FBLN5: variants seen among roughly 807,000 people sequenced by gnomAD.
The protein encoded by FBLN5 is fibulin 5.
A neutral mutation model predicts 61.6 loss-of-function variants in FBLN5; 24 were observed. That is an observed-to-expected ratio of 0.39 (90% CI 0.28 to 0.55). The LOEUF is 0.55. Ranked by LOEUF, FBLN5 falls within the 20% of genes least tolerant of loss-of-function variation. FBLN5 has a pLI of 0.65. For missense variants in FBLN5, 470 were observed against 594.1 expected, an observed-to-expected ratio of 0.79 and a Z score of 2.17; for synonymous variants, 213 against 219.8, an observed-to-expected ratio of 0.97 and a Z score of 0.27.
chr14:91,894,838 T>TGCCAAAAAA, intron 5 of FBLN5, 112 bp downstream of exon 5: 1 of 210,374 alleles, frequency 4.8e-6, no homozygotes, highest in South Asian at 3.5e-5. Context: ...CCGCCCTCCC[T>TGCCAAAAAA]AGCAAAGAAA....
intron 4 of FBLN5, among the ~76,000 whole-genome samples, chr14:91,921,295 T>A (rs913758826): frequency 5.3e-5 from 8 of 152,182 alleles, no homozygotes; most frequent in Admixed American, 2.6e-4. Flanking sequence ...CCCTCTCAGG[T>A]GCAAGACGAT....
At position 91,947,333 on chromosome 14, in the gene FBLN5, C is replaced by A. The variant is rs1015210796; in HGVS notation, c.-104G>T. On this transcript the variant is annotated 5_prime_UTR_variant, in exon 1 of 11. Transcript: ENST00000342058. This position sits in a 1 kb window ranked among gnomAD's most constrained non-coding sequence, Gnocchi z 4.3. ...CGGCCTCCTCTGGGCCCTCGGGGCT[C>A]GCGGGTGTTTTATTCCAGAGGGGCC... 1 of 1,378,308 alleles carries A rather than the reference C, an allele frequency of 7.3e-7. No homozygotes were observed. The highest frequency in any genetic ancestry group is 1.0e-6 in the Non-Finnish European group (1 of 972,008). The allele number at this position is 1,378,308 out of a possible 1,614,324, so 85.4% of individuals were successfully genotyped here.
At chr14:91,877,916 T>G in intron 9 of FBLN5, 1 of 620,312 alleles carries the variant, frequency 1.6e-6, no homozygotes, top group Middle Eastern at 2.5e-4. Context: ...GGCTACTAAA[T>G]AGAATACAAA....
intron 7 of FBLN5, among the ~76,000 whole-genome samples, chr14:91,885,608 G>A (rs887358718): frequency 6.6e-6 from 1 of 152,156 alleles, no homozygotes; most frequent in Admixed American, 6.5e-5. Flanking sequence ...TGGTTGGTTG[G>A]TTGGTTGGTT....
At chr14:91,897,817 G>C (rs558790057) in intron 4 of FBLN5, among the ~76,000 whole-genome samples, 3 of 152,220 alleles carry the variant, frequency 2.0e-5, no homozygotes, top group Non-Finnish European at 4.4e-5. Flanking sequence ...GGAGGCCAAG[G>C]TGGGTAAGAT....
chr14:91,887,143 T>C, intron 7 of FBLN5, 50 bp downstream of exon 7: 2 of 1,609,794 alleles, frequency 1.2e-6, no homozygotes, highest in Non-Finnish European at 1.7e-6. Context: ...CTTCAACCCC[T>C]GCCCAGGCCC....
In FBLN5 at chr14:91,940,706, C is replaced by A; in HGVS notation, c.73-90G>T. ...AACACAGAAAGTTGGGGAAATGGAG[C>A]AAAAAAGAAAGGCCTCCAAAATACC... is the stretch of plus-strand genomic sequence containing the variant. On this transcript the variant is annotated intron_variant, in intron 2 of 10. Coordinates refer to ENST00000342058, the MANE Select transcript of FBLN5 (RefSeq NM_006329.4). The A allele has an allele frequency of 5.2e-6, 6 of 1,156,752 alleles. No homozygotes were observed. In the Admixed American group the frequency reaches 5.8e-5, roughly 11 times the overall value. 71.7% of individuals were successfully genotyped at this position (1,156,752 alleles called of 1,614,324 possible).
chr14:91,895,836 A>G (rs896506339), intron 4 of FBLN5, among the ~76,000 whole-genome samples: 4 of 150,276 alleles, frequency 2.7e-5, no homozygotes. Flanking sequence ...CCCTGCCAAC[A>G]GAAGCTGGCA....
At chr14:91,887,054 C>T (rs1456966479) in intron 7 of FBLN5, 139 bp downstream of exon 7, 9 of 897,024 alleles carry the variant, frequency 1.0e-5, no homozygotes, top group African/African-American at 6.5e-5. Flanking sequence ...TGATTCTGAC[C>T]CCACTGCCCT....
intron 2 of FBLN5, among the ~76,000 whole-genome samples, chr14:91,941,584 G>T (rs2056105648): frequency 1.3e-5 from 2 of 152,086 alleles, no homozygotes; most frequent in Non-Finnish European, 2.9e-5. Flanking sequence ...CAGGGAGTTG[G>T]GGCAAAGGAA....
chr14:91,910,183 T>G (rs895346279), intron 4 of FBLN5, among the ~76,000 whole-genome samples: 3 of 152,206 alleles, frequency 2.0e-5, no homozygotes, highest in Non-Finnish European at 4.4e-5. Flanking sequence ...GAGGGAATAT[T>G]GTTCAGCCTT....
chr14:91,900,396 T>C (rs1453340615), intron 4 of FBLN5, among the ~76,000 whole-genome samples: 2 of 152,242 alleles, frequency 1.3e-5, no homozygotes, highest in Non-Finnish European at 2.9e-5. Context: ...CAGCATTTAT[T>C]CCTGAAAGTT....
At chr14:91,888,051 C>A (rs1889809316) in intron 6 of FBLN5, among the ~76,000 whole-genome samples, 3 of 152,206 alleles carry the variant, frequency 2.0e-5, no homozygotes, top group Admixed American at 2.0e-4. Context: ...GTAATCCCAG[C>A]ACTTTGGGAG....
At chr14:91,876,946 C>T (rs1046007556) in intron 10 of FBLN5, among the ~76,000 whole-genome samples, 2 of 152,184 alleles carry the variant, frequency 1.3e-5, no homozygotes, top group African/African-American at 2.4e-5. Flanking sequence ...TCCCATCTCA[C>T]ACCACCTCCC....
At chr14:91,893,079 C>G (rs1055510441) in intron 5 of FBLN5, among the ~76,000 whole-genome samples, 3 of 152,178 alleles carry the variant, frequency 2.0e-5, no homozygotes, top group Non-Finnish European at 4.4e-5. Context: ...CGGTCTCCCC[C>G]TACCACTCCA....
intron 3 of FBLN5, among the ~76,000 whole-genome samples, chr14:91,937,616 T>C (rs976758582): frequency 6.6e-6 from 1 of 152,116 alleles, no homozygotes; most frequent in Non-Finnish European, 1.5e-5. Flanking sequence ...ATGAAACTGG[T>C]GGCTTTCTAA....
rs886050887 is a variant in FBLN5, at chr14:91,869,766, A to G, written c.*458T>C. On this transcript the variant is annotated 3_prime_UTR_variant, in exon 11 of 11. Transcript: ENST00000342058. ...TTTACATAGCCTTCTCTGTGTACGC[A>G]AAAAGCAAACTAGCTACTCCCAGGG... The G allele has an allele frequency of 3.8e-5, 9 of 234,560 alleles. 1 individual carries two copies. The highest frequency in any genetic ancestry group is 8.5e-6 in the Non-Finnish European group (1 of 117,050). The allele number at this position is 234,560 out of a possible 1,614,324, so 14.5% of individuals were successfully genotyped here. A position where few individuals can be genotyped will look rare whatever the true frequency, so the allele number is the denominator to read the frequency against.
chr14:91,885,508 A>G (rs1889688186), intron 7 of FBLN5, among the ~76,000 whole-genome samples: 1 of 152,196 alleles, frequency 6.6e-6, no homozygotes, highest in Non-Finnish European at 1.5e-5. Flanking sequence ...CATGGGAAGC[A>G]GCAGCTTCCA....
chr14:91,912,568 C>A (rs1454429407), intron 4 of FBLN5, among the ~76,000 whole-genome samples: 1 of 152,074 alleles, frequency 6.6e-6, no homozygotes, highest in African/African-American at 2.4e-5. Context: ...TCAATTGAAC[C>A]CAGGAGGCGG....
Sources: allele counts gnomAD v4.1 joint callset (sites outside exome capture counted in the v4.1 genomes callset), GRCh38; gene constraint gnomAD v4.1.1; non-coding constraint Gnocchi (gnomAD v3.1); transcripts MANE v1.5; gene names NCBI Gene and HGNC (gene_info 2026-07-23, HGNC 2026-07-21).